ARHGAP15: variants seen among roughly 807,000 people sequenced by gnomAD.
ARHGAP15 encodes the protein Rho GTPase activating protein 15.
ARHGAP15 carries 51 observed loss-of-function variants against 63.7 expected under a neutral mutation model. The observed-to-expected ratio is 0.80, with a 90% confidence interval of 0.64 to 1.01. The LOEUF (loss-of-function observed/expected upper bound fraction) is 1.01, where lower values mean the gene tolerates loss of function less well. Ranked by LOEUF, ARHGAP15 falls within the 50% of genes least tolerant of loss-of-function variation. ARHGAP15 has a pLI of 0.00. For synonymous variants in ARHGAP15, 191 were observed against 193.8 expected (o/e 0.99, Z 0.12); for missense variants, 560 against 564.6 (o/e 0.99, Z 0.08).
intron 6 of ARHGAP15, among the ~76,000 whole-genome samples, chr2:143,416,829 A>ACG (rs1553477188): frequency 4.5e-4 from 47 of 104,842 alleles, no homozygotes; most frequent in South Asian, 7.6e-4. Context: ...CCACCCCCCC[A>ACG]CCCCCACGCC....
At chr2:143,163,723 G>GT (rs1328730624) in intron 2 of ARHGAP15, among the ~76,000 whole-genome samples, 1 of 152,060 alleles carries the variant, frequency 6.6e-6, no homozygotes, top group African/African-American at 2.4e-5. Flanking sequence ...ATAGTACCTA[G>GT]TTTTTGCCCT....
intron 12 of ARHGAP15, among the ~76,000 whole-genome samples, chr2:143,699,999 C>G (rs948852050): frequency 6.6e-6 from 1 of 152,164 alleles, no homozygotes; most frequent in Non-Finnish European, 1.5e-5. Context: ...ATGGTCACAA[C>G]TTTCATTAGT....
At chr2:143,358,405 C>T (rs1327909269) in intron 6 of ARHGAP15, among the ~76,000 whole-genome samples, 1 of 151,750 alleles carries the variant, frequency 6.6e-6, no homozygotes, top group Non-Finnish European at 1.5e-5. Flanking sequence ...AATGTGTATG[C>T]CATCTAAATA....
chr2:143,224,854 A>G (rs946617076), intron 4 of ARHGAP15, among the ~76,000 whole-genome samples: 3 of 152,200 alleles, frequency 2.0e-5, no homozygotes, highest in South Asian at 2.1e-4. Context: ...TGGGTCAGAC[A>G]TGGCAGCCAT....
At chr2:143,264,064 C>T (rs985139006) in intron 6 of ARHGAP15, among the ~76,000 whole-genome samples, 1 of 151,260 alleles carries the variant, frequency 6.6e-6, no homozygotes, top group South Asian at 2.1e-4. Flanking sequence ...GGGAGAGGCA[C>T]CAGTGTTAAC....
intron 2 of ARHGAP15, among the ~76,000 whole-genome samples, chr2:143,194,073 T>G (rs936736260): frequency 1.3e-5 from 2 of 152,206 alleles, no homozygotes; most frequent in African/African-American, 4.8e-5. Context: ...CTGCCAAACA[T>G]AGCCAAATGG....
chr2:143,539,432 T>C (rs1268051271), intron 10 of ARHGAP15, among the ~76,000 whole-genome samples: 1 of 152,182 alleles, frequency 6.6e-6, no homozygotes, highest in African/African-American at 2.4e-5. Context: ...CTTTTGGATG[T>C]GTTTGCTCTT....
intron 6 of ARHGAP15, among the ~76,000 whole-genome samples, chr2:143,291,005 A>G (rs1480623145): frequency 6.6e-6 from 1 of 152,136 alleles, no homozygotes; most frequent in Non-Finnish European, 1.5e-5. Flanking sequence ...GGCCAGTGAG[A>G]TCATCAGTGA....
intron 6 of ARHGAP15, among the ~76,000 whole-genome samples, chr2:143,254,098 G>A (rs1680301681): frequency 6.6e-6 from 1 of 152,074 alleles, no homozygotes; most frequent in Non-Finnish European, 1.5e-5. Flanking sequence ...AAAGATTTAT[G>A]TTCAAACCAC....
chr2:143,264,897 G>A (rs528332911), intron 6 of ARHGAP15, among the ~76,000 whole-genome samples: 1 of 152,270 alleles, frequency 6.6e-6, no homozygotes, highest in South Asian at 2.1e-4. Context: ...TAGCTCCATA[G>A]AGGCTTGTAG....
At chr2:143,438,884 G>T (rs1386313960) in intron 8 of ARHGAP15, among the ~76,000 whole-genome samples, 2 of 152,024 alleles carry the variant, frequency 1.3e-5, no homozygotes, top group East Asian at 1.9e-4. Context: ...AGATATAATT[G>T]CTGGTTCAGA....
intron 6 of ARHGAP15, among the ~76,000 whole-genome samples, chr2:143,429,368 A>G (rs547862935): frequency 6.6e-6 from 1 of 152,100 alleles, no homozygotes; most frequent in Non-Finnish European, 1.5e-5. Context: ...TGTTGTACGA[A>G]TGCATGGACA....
At chr2:143,524,012 G>T (rs1023169513) in intron 10 of ARHGAP15, among the ~76,000 whole-genome samples, 1 of 152,084 alleles carries the variant, frequency 6.6e-6, no homozygotes, top group Non-Finnish European at 1.5e-5. Flanking sequence ...CAAGAAGTTT[G>T]CCCTTTCTGT....
intron 6 of ARHGAP15, among the ~76,000 whole-genome samples, chr2:143,390,791 T>A (rs1489492912): frequency 2.0e-5 from 3 of 151,656 alleles, no homozygotes; most frequent in Non-Finnish European, 2.9e-5. Context: ...ATACACTTGC[T>A]AAGGTACCAA....
chr2:143,440,923 A>G (rs1261674772), intron 8 of ARHGAP15, among the ~76,000 whole-genome samples: 1 of 152,182 alleles, frequency 6.6e-6, no homozygotes, highest in Non-Finnish European at 1.5e-5. Flanking sequence ...AAGAGGGGGA[A>G]GGCCCAAATA....
intron 9 of ARHGAP15, among the ~76,000 whole-genome samples, chr2:143,500,995 C>T (rs1693029859): frequency 6.6e-6 from 1 of 152,124 alleles, no homozygotes; most frequent in Non-Finnish European, 1.5e-5. Context: ...ACACTCCTAA[C>T]ATGTCCCTTT....
intron 6 of ARHGAP15, among the ~76,000 whole-genome samples, chr2:143,328,001 A>T (rs1466664684): frequency 6.6e-6 from 1 of 152,334 alleles, no homozygotes; most frequent in African/African-American, 2.4e-5. Flanking sequence ...TGAAAAACTC[A>T]TAATCACTGG....
At chr2:143,715,677 T>C (rs185854376) in intron 13 of ARHGAP15, among the ~76,000 whole-genome samples, 1 of 152,354 alleles carries the variant, frequency 6.6e-6, no homozygotes, top group Non-Finnish European at 1.5e-5. Flanking sequence ...AGGTTTTCTG[T>C]TCACTCTGAT....
At chr2:143,714,668 C>T (rs1160749014) in intron 13 of ARHGAP15, among the ~76,000 whole-genome samples, 1 of 152,218 alleles carries the variant, frequency 6.6e-6, no homozygotes, top group Non-Finnish European at 1.5e-5. Flanking sequence ...TTAAGAATTT[C>T]TTCCACCAGA....
Sources: gnomAD v4.1 joint callset for allele counts (sites outside exome capture counted in the v4.1 genomes callset) on GRCh38, gnomAD v4.1.1 for gene constraint, MANE v1.5 for transcripts, NCBI Gene and HGNC (gene_info 2026-07-23, HGNC 2026-07-21) for gene names.